Variants in PCDHA12 observed in about 807,000 individuals in gnomAD.
PCDHA12 encodes protocadherin alpha 12.
In PCDHA12, 44 loss-of-function variants were observed where a neutral mutation model predicts 60.0. The observed-to-expected ratio is 0.73, with a 90% CI of 0.58 to 0.94. The LOEUF (loss-of-function observed/expected upper bound fraction) is 0.94, where lower values mean the gene tolerates loss of function less well. PCDHA12 is among the 40% of genes least tolerant of loss of function. The probability of loss-of-function intolerance (pLI) is 0.00; values close to 1 mark genes in which losing one functional copy is unlikely to be tolerated. For synonymous variants in PCDHA12, 569 were observed against 553.0 expected, an observed-to-expected ratio of 1.03 and a Z score of -0.40; for missense variants, 1,276 against 1,239.7, an observed-to-expected ratio of 1.03 and a Z score of -0.44.
chr5:140,939,613 A>T (rs2092423002), intron 1 of PCDHA12, among the ~76,000 whole-genome samples: 1 of 152,232 alleles, frequency 6.6e-6, no homozygotes, highest in African/African-American at 2.4e-5. Context: ...CAGAACAAGG[A>T]GACAAAAGAA....
rs782328225 is a variant in PCDHA12 at position 140,876,236 on chromosome 5, T to C, written c.764T>C (p.Val255Ala). The change falls in exon 1 of 4, where the codon GTC becomes GCC. Residue 255 changes from valine to alanine, a missense_variant. Coordinates refer to ENST00000398631, the MANE Select transcript of PCDHA12 (RefSeq NM_018903.4). Reference sequence around the variant, plus strand: ...TATAAAGTAGTGTTGTCTGAAAATGTCCAAAACGACACAAGAGTGATCCAA... The same window carrying C: ...TATAAAGTAGTGTTGTCTGAAAATGCCCAAAACGACACAAGAGTGATCCAA... Reference protein sequence around the residue: ...PSYKVVLSENVQNDTRVIQLN... With the variant: ...PSYKVVLSENAQNDTRVIQLN... 24 of 1,613,974 alleles carry C rather than the reference T, an allele frequency of 1.5e-5. No individual in the cohort carries two copies. The highest frequency in any genetic ancestry group is 1.4e-5 in the Non-Finnish European group (17 of 1,179,894).
intron 1 of PCDHA12, among the ~76,000 whole-genome samples, chr5:140,943,863 G>T (rs2093580168): frequency 1.3e-5 from 2 of 152,186 alleles, no homozygotes; most frequent in Admixed American, 1.3e-4. Context: ...TCAAGAAGAG[G>T]TCTCTGAAGT....
Position 140,883,794 on chromosome 5 carries a change from C to T in PCDHA12, c.2367+5955C>T, listed in dbSNP as rs781822448. On this transcript the variant is annotated intron_variant, in intron 1 of 3. Coordinates refer to ENST00000398631, the MANE Select transcript of PCDHA12 (RefSeq NM_018903.4). ...GAGCGTGCGCTGTCGAGCTACGTGT[C>T]GGTGCACGCGGAGAGCGGCAAGGTG... 8 of 1,612,476 alleles carry T rather than the reference C, an allele frequency of 5.0e-6. No individual in the cohort carries two copies. The East Asian group carries it at 1.6e-4, about 31-fold the overall frequency.
At chr5:140,927,525 T>C in intron 1 of PCDHA12, 1 of 1,614,088 alleles carries the variant, frequency 6.2e-7, no homozygotes, top group Non-Finnish European at 8.5e-7. Context: ...GCGGGCTACC[T>C]GCCCGCTCAG....
intron 3 of PCDHA12, among the ~76,000 whole-genome samples, chr5:140,986,633 C>T (rs566373023): frequency 5.9e-5 from 9 of 152,266 alleles, no homozygotes; most frequent in Admixed American, 3.3e-4. Context: ...GGCAACAGTA[C>T]ATTAGTTTTA....
Position 140,875,579 on chromosome 5 carries a change from A to G in PCDHA12, c.107A>G (p.Tyr36Cys), listed in dbSNP as rs552791418. The G allele has an allele frequency of 1.9e-6, 3 of 1,614,050 alleles. No individual in the cohort carries two copies. The highest frequency in any genetic ancestry group is 2.5e-6 in the Non-Finnish European group (3 of 1,180,030). Reference sequence around the variant, plus strand: ...AGCGGCCAGCTCCACTACTCCGTCTACGAGGAGGCCAAACACGGCACCTTC... The same window carrying G: ...AGCGGCCAGCTCCACTACTCCGTCTGCGAGGAGGCCAAACACGGCACCTTC... The part of the protein sequence containing the change: ...VGSGQLHYSV[Y>C]EEAKHGTFVG... Residue 36 changes from tyrosine (Y) to cysteine (C), a missense_variant, in exon 1 of 4, where the codon TAC (tyrosine) becomes TGC (cysteine). Tyr to Cys is a radical substitution (Grantham distance 194). Transcript: ENST00000398631.
intron 1 of PCDHA12, among the ~76,000 whole-genome samples, chr5:140,944,406 C>T (rs1003379783): frequency 2.0e-5 from 3 of 152,084 alleles, no homozygotes; most frequent in Non-Finnish European, 2.9e-5. Flanking sequence ...AGGCTGGTCT[C>T]GAACTCCTGA....
intron 1 of PCDHA12, among the ~76,000 whole-genome samples, chr5:140,891,797 C>A (rs2063254101): frequency 6.6e-6 from 1 of 152,136 alleles, no homozygotes; most frequent in Non-Finnish European, 1.5e-5. Context: ...TATGAGGGAT[C>A]TGCCCTCATG....
intron 1 of PCDHA12, 78 bp from the exon 2 acceptor site, chr5:140,978,871 T>G: frequency 6.2e-7 from 1 of 1,606,510 alleles, no homozygotes; most frequent in Non-Finnish European, 8.5e-7. Context: ...TTTAAGGGAG[T>G]AACTAATCAA....
Position 141,010,240 on chromosome 5 carries a change from G to A in PCDHA12, c.*303G>A. The A allele has an allele frequency of 6.4e-7, 1 of 1,551,928 alleles. No homozygotes were observed. The highest frequency in any genetic ancestry group is 8.7e-7 in the Non-Finnish European group (1 of 1,147,042). ...GGCTTCCCAGCCCCGCCAGTGAGAGGTTGGACTCTCTGCCCTGTGCTCCGG... is the reference window on the plus strand; with the variant it reads ...GGCTTCCCAGCCCCGCCAGTGAGAGATTGGACTCTCTGCCCTGTGCTCCGG... On this transcript the variant is annotated 3_prime_UTR_variant, in exon 4 of 4. Coordinates refer to ENST00000398631, the MANE Select transcript of PCDHA12 (RefSeq NM_018903.4).
chr5:140,952,923 C>CAGGA (rs1455819119), intron 1 of PCDHA12, among the ~76,000 whole-genome samples: 1 of 151,990 alleles, frequency 6.6e-6, no homozygotes, highest in Non-Finnish European at 1.5e-5. Flanking sequence ...ATGGCATGAG[C>CAGGA]AGGAGCAGGA....
intron 1 of PCDHA12, chr5:140,928,452 G>C: frequency 6.2e-7 from 1 of 1,614,126 alleles, no homozygotes; most frequent in Non-Finnish European, 8.5e-7. Context: ...AGCTCAGGGG[G>C]TTTCATTTCC....
rs183247098 is a variant in PCDHA12 at position 140,949,419 on chromosome 5, T to G, written c.2368-29530T>G. On this transcript the variant is annotated intron_variant, in intron 1 of 3. Coordinates refer to ENST00000398631, the MANE Select transcript of PCDHA12 (RefSeq NM_018903.4). ...TGTTAAAAATCACCTATCATCATTGTGTTTATCTCTTTGTGCCCATTTTTG... is the reference window on the plus strand; with the variant it reads ...TGTTAAAAATCACCTATCATCATTGGGTTTATCTCTTTGTGCCCATTTTTG... Among the ~76,000 whole-genome samples the G allele has an allele frequency of 2.5e-3, 382 of 151,992 alleles. 3 individuals are homozygous for G. The highest frequency in any genetic ancestry group is 0.018 in the South Asian group (86 of 4,828).
intron 1 of PCDHA12, among the ~76,000 whole-genome samples, chr5:140,880,631 A>T (rs1048791670): frequency 6.6e-6 from 1 of 152,206 alleles, no homozygotes; most frequent in Non-Finnish European, 1.5e-5. Context: ...GTTAATTATC[A>T]ATTCACTTGA....
chr5:140,883,151 A>G (rs1317370821), intron 1 of PCDHA12: 1 of 1,613,978 alleles, frequency 6.2e-7, no homozygotes, highest in Non-Finnish European at 8.5e-7. Flanking sequence ...TGCATTTACC[A>G]TAAATCCGAA....
intron 1 of PCDHA12, chr5:140,929,129 C>A (rs1206531954): frequency 6.2e-7 from 1 of 1,614,052 alleles, no homozygotes; most frequent in East Asian, 2.2e-5. Context: ...GATGTCACTA[C>A]AGTTGAGAGA....
chr5:140,921,693 C>A (rs115825687), intron 1 of PCDHA12, among the ~76,000 whole-genome samples: 103 of 152,244 alleles, frequency 6.8e-4, no homozygotes, highest in African/African-American at 2.4e-3. Flanking sequence ...CTGGCCACCT[C>A]AATTTTAAAC....
chr5:140,946,634 A>ATATAT (rs1554217761), intron 1 of PCDHA12, among the ~76,000 whole-genome samples: 3 of 147,374 alleles, frequency 2.0e-5, no homozygotes, highest in Admixed American at 6.8e-5. Context: ...ATATATATAC[A>ATATAT]ATGGAATACT....
intron 1 of PCDHA12, among the ~76,000 whole-genome samples, chr5:140,891,388 C>A (rs2063075244): frequency 6.6e-6 from 1 of 151,946 alleles, no homozygotes; most frequent in South Asian, 2.1e-4. Flanking sequence ...TATTTGCAAT[C>A]TTTTATCCCT....
Sources: gnomAD v4.1 joint callset for allele counts (sites outside exome capture counted in the v4.1 genomes callset) on GRCh38, gnomAD v4.1.1 for gene constraint, MANE v1.5 for transcripts, NCBI Gene and HGNC (gene_info 2026-07-23, HGNC 2026-07-21) for gene names.